QRFPR: variants seen among roughly 807,000 people sequenced by gnomAD.
The protein encoded by QRFPR is pyroglutamylated RF-amide peptide receptor.
A neutral mutation model predicts 31.3 loss-of-function variants in QRFPR; 37 were observed. The observed-to-expected ratio is 1.18, with a 90% CI of 0.91 to 1.56. The LOEUF is 1.56. Among genes scored for constraint, QRFPR ranks in the 40% most tolerant of loss-of-function variants. QRFPR has a pLI of 0.00. For missense variants in QRFPR, 542 were observed against 532.5 expected (o/e 1.02, Z -0.18); for synonymous variants, 197 against 192.0 (o/e 1.03, Z -0.22).
chr4:121,368,809 A>G (rs1429407259), intron 1 of QRFPR, among the ~76,000 whole-genome samples: 1 of 150,832 alleles, frequency 6.6e-6, no homozygotes, highest in Admixed American at 6.6e-5. Context: ...CAGCACAAAC[A>G]TTCTTTACCT....
intron 1 of QRFPR, among the ~76,000 whole-genome samples, chr4:121,361,614 G>A (rs929282721): frequency 2.0e-5 from 3 of 150,126 alleles, no homozygotes; most frequent in Non-Finnish European, 4.4e-5. Flanking sequence ...TTTTGATTCA[G>A]TAGGTATGTG....
chr4:121,359,645 GTATATATATGTGTATA>G (rs1338415917), intron 1 of QRFPR, among the ~76,000 whole-genome samples: 3 of 150,768 alleles, frequency 2.0e-5, no homozygotes, highest in African/African-American at 7.3e-5. Flanking sequence ...GTGTGTGTGT[GTATATATATGTGTATA>G]TATATATATG....
chr4:121,349,701 C>T (rs965645705), intron 1 of QRFPR, among the ~76,000 whole-genome samples: 9 of 152,078 alleles, frequency 5.9e-5, no homozygotes, highest in African/African-American at 1.9e-4. Context: ...AAACATCTAC[C>T]AGATTTCATT....
At chr4:121,375,976 G>A (rs1726345095) in intron 1 of QRFPR, among the ~76,000 whole-genome samples, 1 of 152,110 alleles carries the variant, frequency 6.6e-6, no homozygotes, top group African/African-American at 2.4e-5. Context: ...TGAAGAAAAA[G>A]ATAAAAAGGA....
chr4:121,352,027 A>T (rs943643708), intron 1 of QRFPR, among the ~76,000 whole-genome samples: 1 of 152,120 alleles, frequency 6.6e-6, no homozygotes, highest in Admixed American at 6.6e-5. Flanking sequence ...TTTGCTACAA[A>T]TGTATGTGGG....
chr4:121,338,783 C>T (rs1371233118), intron 2 of QRFPR, among the ~76,000 whole-genome samples: 1 of 152,136 alleles, frequency 6.6e-6, no homozygotes, highest in Non-Finnish European at 1.5e-5. Flanking sequence ...ATTTTAAAAC[C>T]TTCTTGTTTC....
chr4:121,355,165 G>A lies in QRFPR; in HGVS notation c.341-14555C>T, dbSNP rs1233641863. Reference sequence around the variant, plus strand: ...AATTGGTATTAGTTCTTCTTTAAGTGTTTGGTAGAATTCAGCAGTAAAGCC... The same window carrying A: ...AATTGGTATTAGTTCTTCTTTAAGTATTTGGTAGAATTCAGCAGTAAAGCC... On this transcript the variant is annotated intron_variant, in intron 1 of 5. Transcript: ENST00000394427. Among the ~76,000 whole-genome samples the A allele has an allele frequency of 3.9e-5, 6 of 152,102 alleles. No individual in the cohort carries two copies. In the East Asian group the frequency reaches 5.8e-4, roughly 15 times the overall value.
At chr4:121,350,133 T>C (rs1039280099) in intron 1 of QRFPR, among the ~76,000 whole-genome samples, 1 of 150,850 alleles carries the variant, frequency 6.6e-6, no homozygotes, top group East Asian at 1.9e-4. Flanking sequence ...AGAGATTCTT[T>C]GTCATTTTCA....
intron 1 of QRFPR, among the ~76,000 whole-genome samples, chr4:121,353,993 A>G (rs1474184250): frequency 6.6e-6 from 1 of 152,008 alleles, no homozygotes; most frequent in African/African-American, 2.4e-5. Context: ...TGTTCTTGGT[A>G]CCTTTGTCAA....
At position 121,332,824 on chromosome 4, in the gene QRFPR, G is replaced by A. The variant is rs1725353974; in HGVS notation, c.794C>T (p.Ala265Val). ...TIHGKEMSKI[A>V]RKKKRAVIMM... Reference sequence around the variant, plus strand: ...GTGAATATTTCATTAAACAGACCTGGCTATTTTGGACATTTCTTTTCCATG... The same window carrying A: ...GTGAATATTTCATTAAACAGACCTGACTATTTTGGACATTTCTTTTCCATG... The change falls in exon 4 of 6, where the codon GCC becomes GTC. Residue 265 changes from alanine (A) to valine (V), a missense_variant. Transcript: ENST00000394427. 2 of 1,605,470 alleles carry A rather than the reference G, an allele frequency of 1.2e-6. No homozygotes were observed. Among genetic ancestry groups the A allele is most frequent in the Non-Finnish European group, 1.7e-6 (2 of 1,172,300 alleles).
At chr4:121,369,042 A>C (rs1726180244) in intron 1 of QRFPR, among the ~76,000 whole-genome samples, 1 of 152,028 alleles carries the variant, frequency 6.6e-6, no homozygotes, top group South Asian at 2.1e-4. Context: ...TTATTTATTT[A>C]TTTAGAGACG....
At chr4:121,371,385 G>C (rs1213791920) in intron 1 of QRFPR, among the ~76,000 whole-genome samples, 1 of 152,222 alleles carries the variant, frequency 6.6e-6, no homozygotes, top group African/African-American at 2.4e-5. Flanking sequence ...CACAGACTGA[G>C]AGGGAACTGC....
intron 1 of QRFPR, among the ~76,000 whole-genome samples, chr4:121,345,014 T>A (rs144491082): frequency 6.6e-6 from 1 of 152,256 alleles, no homozygotes; most frequent in Admixed American, 6.5e-5. Flanking sequence ...AGTATCACAG[T>A]TGTGCTTCTT....
rs985944573 is a variant in QRFPR, at chr4:121,380,481, A to C, written c.167T>G (p.Phe56Cys). The change falls in exon 1 of 6, where the codon TTC becomes TGC. Residue 56 changes from phenylalanine (F) to cysteine (C), a missense_variant. By Grantham distance (205) the Phe-to-Cys change is radical (BLOSUM62 -2). Coordinates refer to ENST00000394427, the MANE Select transcript of QRFPR (RefSeq NM_198179.3). Reference protein sequence around the residue: ...LALVLTGVLIFALALFGNALV... With the variant: ...LALVLTGVLICALALFGNALV... The stretch of plus-strand genomic sequence containing the variant: ...AGCATTGCCAAAGAGCGCCAGGGCG[A>C]AGATGAGCACGCCGGTGAGCACGAG... 1.9e-6 allele frequency: 3 copies of C among 1,614,128 alleles called. No individual in the cohort carries two copies. Among genetic ancestry groups the C allele is most frequent in the South Asian group, 1.1e-5 (1 of 91,092 alleles).
intron 1 of QRFPR, among the ~76,000 whole-genome samples, chr4:121,363,862 G>A (rs1726035324): frequency 6.7e-6 from 1 of 149,980 alleles, no homozygotes; most frequent in South Asian, 2.1e-4. Flanking sequence ...ATATCAGGAT[G>A]GGATAGTTGC....
intron 1 of QRFPR, among the ~76,000 whole-genome samples, chr4:121,355,226 T>C (rs1579580508): frequency 6.6e-6 from 1 of 152,294 alleles, no homozygotes; most frequent in African/African-American, 2.4e-5. Context: ...GAAAGACTTT[T>C]ATTACTGCTT....
Position 121,378,223 on chromosome 4 carries a change from C to T in QRFPR, c.340+2085G>A, listed in dbSNP as rs535620894. On this transcript the variant is annotated intron_variant, in intron 1 of 5. Transcript: ENST00000394427. ...TAAAATAAATGAGCAATATATTACT[C>T]TCCTTCAGTATTTAGAAGCTAAAGT... Among the ~76,000 whole-genome samples, 18 of 152,236 alleles carry T rather than the reference C, an allele frequency of 1.2e-4. No individual in the cohort carries two copies. In the South Asian group the frequency reaches 3.1e-3, roughly 26 times the overall value.
At chr4:121,378,996 C>A (rs1311472218) in intron 1 of QRFPR, among the ~76,000 whole-genome samples, 1 of 152,092 alleles carries the variant, frequency 6.6e-6, no homozygotes, top group African/African-American at 2.4e-5. Flanking sequence ...GTATGATGAT[C>A]AAAAAATACC....
At chr4:121,337,288 T>C (rs745446250) in intron 2 of QRFPR, among the ~76,000 whole-genome samples, 3 of 152,136 alleles carry the variant, frequency 2.0e-5, no homozygotes, top group Non-Finnish European at 4.4e-5. Flanking sequence ...ATCCCCAGTG[T>C]CTATCTGTGG....
Sources: gnomAD v4.1 joint callset for allele counts (sites outside exome capture counted in the v4.1 genomes callset) on GRCh38, gnomAD v4.1.1 for gene constraint, MANE v1.5 for transcripts, NCBI Gene and HGNC (gene_info 2026-07-23, HGNC 2026-07-21) for gene names.